Variants in CNTN4 observed in about 807,000 individuals in gnomAD.
CNTN4 encodes the protein contactin-4.
A neutral mutation model predicts 122.5 loss-of-function variants in CNTN4; 77 were observed. That is an observed-to-expected ratio of 0.63 (90% CI 0.52 to 0.76). CNTN4 has a LOEUF of 0.76. Among genes scored for constraint, CNTN4 ranks in the 30% least tolerant of loss-of-function variants. The probability of loss-of-function intolerance (pLI) is 0.00; values close to 1 mark genes in which losing one functional copy is unlikely to be tolerated. For synonymous variants in CNTN4, 512 were observed against 447.0 expected, an observed-to-expected ratio of 1.15 and a Z score of -1.83; for missense variants, 1,256 against 1,259.1, an observed-to-expected ratio of 1.00 and a Z score of 0.04.
chr3:2,114,235 T>C (rs2033178310), intron 2 of CNTN4, among the ~76,000 whole-genome samples: 1 of 152,000 alleles, frequency 6.6e-6, no homozygotes, highest in African/African-American at 2.4e-5. Context: ...GGCAGATCAC[T>C]TGAGCTCAGG....
intron 13 of CNTN4, among the ~76,000 whole-genome samples, chr3:2,948,920 A>G (rs1360504482): frequency 6.6e-6 from 1 of 152,086 alleles, no homozygotes; most frequent in African/African-American, 2.4e-5. Context: ...AGGCTCAGTG[A>G]TATTGTTTTG....
chr3:2,821,594 C>A (rs1476634850), intron 7 of CNTN4, among the ~76,000 whole-genome samples: 1 of 152,124 alleles, frequency 6.6e-6, no homozygotes, highest in East Asian at 1.9e-4. Flanking sequence ...TGGAAAATAT[C>A]ATAATTTTAC....
intron 2 of CNTN4, among the ~76,000 whole-genome samples, chr3:2,286,241 C>CCT (rs1435212418): frequency 7.2e-6 from 1 of 139,074 alleles, no homozygotes; most frequent in Non-Finnish European, 1.6e-5. Flanking sequence ...CCCCTGCCCC[C>CCT]CCCACAACAT....
In CNTN4 at chr3:3,057,274, C is replaced by T. The variant is rs551159988; in HGVS notation, c.*1054C>T. On this transcript the variant is annotated 3_prime_UTR_variant, in exon 25 of 25. Transcript: ENST00000418658. The stretch of plus-strand genomic sequence containing the variant: ...ATTACATATGGACTTTGGAAGATTG[C>T]TCCTATTTCAACAAATAGTTGCTGC... 5 of 152,702 alleles carry T rather than the reference C, an allele frequency of 3.3e-5. No individual in the cohort carries two copies. Among genetic ancestry groups the T allele is most frequent in the African/African-American group, 9.6e-5 (4 of 41,576 alleles). The allele number at this position is 152,702 out of a possible 1,614,324, so 9.5% of individuals were successfully genotyped here.
intron 6 of CNTN4, among the ~76,000 whole-genome samples, chr3:2,760,046 A>G (rs1043216354): frequency 1.3e-5 from 2 of 152,198 alleles, no homozygotes; most frequent in Non-Finnish European, 2.9e-5. Context: ...TCATTGTTGA[A>G]TTATAATATT....
chr3:2,848,189 T>C (rs1404985454), intron 7 of CNTN4, among the ~76,000 whole-genome samples: 2 of 152,140 alleles, frequency 1.3e-5, no homozygotes, highest in Non-Finnish European at 2.9e-5. Flanking sequence ...CAATGAGCTA[T>C]GATCATGCCA....
chr3:2,498,842 T>C (rs1233798068), intron 3 of CNTN4, among the ~76,000 whole-genome samples: 2 of 151,700 alleles, frequency 1.3e-5, no homozygotes, highest in Admixed American at 6.6e-5. Flanking sequence ...CAGGTAGGAG[T>C]GCAGTGGTGT....
chr3:2,604,887 T>C (rs2081193727), intron 4 of CNTN4, among the ~76,000 whole-genome samples: 2 of 152,058 alleles, frequency 1.3e-5, no homozygotes, highest in South Asian at 4.2e-4. Flanking sequence ...AAAGGAAATA[T>C]AAGATCTACC....
chr3:2,340,704 TATATATAGAGAGAGAG>T (rs2044156278), intron 3 of CNTN4, among the ~76,000 whole-genome samples: 1 of 17,810 alleles, frequency 5.6e-5, no homozygotes, highest in South Asian at 3.4e-3. Flanking sequence ...TATATATATA[TATATATAGAGAGAGAG>T]AGAGAGAGAG....
chr3:2,925,152 G>A (rs1499139), intron 12 of CNTN4, among the ~76,000 whole-genome samples: 108,084 of 151,990 alleles, frequency 0.71, 38,691 homozygotes, highest in Middle Eastern at 0.79. Context: ...TTTACCAAAT[G>A]CAAATTATAC....
At chr3:2,566,970 G>A (rs1269336738) in intron 3 of CNTN4, among the ~76,000 whole-genome samples, 1 of 152,120 alleles carries the variant, frequency 6.6e-6, no homozygotes, top group Admixed American at 6.6e-5. Context: ...ATGTCCTTCA[G>A]GGGATTGCAT....
intron 6 of CNTN4, 60 bp from the exon 7 acceptor site, chr3:2,819,426 C>G: frequency 7.8e-7 from 1 of 1,283,712 alleles, no homozygotes. Flanking sequence ...TAGTGGTACT[C>G]TCCCTTGATA....
intron 3 of CNTN4, among the ~76,000 whole-genome samples, chr3:2,424,258 T>G (rs2047730602): frequency 7.7e-6 from 1 of 130,176 alleles, no homozygotes; most frequent in Non-Finnish European, 1.6e-5. Context: ...ATGTTCCTTT[T>G]CCTGTGTCCA....
intron 3 of CNTN4, among the ~76,000 whole-genome samples, chr3:2,497,434 A>T (rs1448253105): frequency 6.6e-6 from 1 of 152,170 alleles, no homozygotes; most frequent in African/African-American, 2.4e-5. Flanking sequence ...AATGTGGTAC[A>T]TTTTCACACC....
chr3:2,841,217 G>A lies in CNTN4; in HGVS notation c.454+21636G>A, dbSNP rs1360438328. On this transcript the variant is annotated intron_variant, in intron 7 of 24. Coordinates refer to ENST00000418658, the MANE Select transcript of CNTN4 (RefSeq NM_175607.3). This position sits in a 1 kb window ranked among gnomAD's most constrained non-coding sequence, Gnocchi z 4.8. ...TGCCCAAAGAAGTTGGATCAAAAGA[G>A]TTACAGCTGGGTGGATTTTAACTTT... Among the ~76,000 whole-genome samples the A allele has an allele frequency of 6.6e-6, 1 of 152,194 alleles. No individual in the cohort carries two copies. Among genetic ancestry groups the A allele is most frequent in the Admixed American group, 6.5e-5 (1 of 15,286 alleles).
intron 6 of CNTN4, among the ~76,000 whole-genome samples, chr3:2,747,334 G>A (rs1422754638): frequency 2.0e-5 from 3 of 151,624 alleles, no homozygotes; most frequent in Admixed American, 6.6e-5. Context: ...GCGGGAACCC[G>A]GGAGGCGGAG....
intron 3 of CNTN4, among the ~76,000 whole-genome samples, chr3:2,553,837 G>T (rs1230788386): frequency 1.3e-5 from 2 of 152,062 alleles, no homozygotes; most frequent in East Asian, 3.8e-4. Context: ...GATCAAACAG[G>T]TTGGTTCTAG....
intron 3 of CNTN4, among the ~76,000 whole-genome samples, chr3:2,447,450 A>G (rs1274925628): frequency 6.6e-6 from 1 of 152,166 alleles, no homozygotes; most frequent in Non-Finnish European, 1.5e-5. Flanking sequence ...AGTGTTTATG[A>G]TTAACTTCTA....
At chr3:2,694,935 C>T (rs991861310) in intron 4 of CNTN4, among the ~76,000 whole-genome samples, 67 of 151,982 alleles carry the variant, frequency 4.4e-4, no homozygotes, top group African/African-American at 1.5e-3. Flanking sequence ...ATAAATGAAC[C>T]GTTTGGTTTT....
Sources: allele counts gnomAD v4.1 joint callset (sites outside exome capture counted in the v4.1 genomes callset), GRCh38; gene constraint gnomAD v4.1.1; non-coding constraint Gnocchi (gnomAD v3.1); transcripts MANE v1.5; gene names NCBI Gene and HGNC (gene_info 2026-07-23, HGNC 2026-07-21).